The following LRP1B variants were observed in gnomAD, a reference collection of about 807,000 sequenced individuals.
The protein encoded by LRP1B is LDL receptor related protein 1B.
In LRP1B, 217 loss-of-function variants were observed where a neutral mutation model predicts 556.6. That is an observed-to-expected ratio of 0.39 (90% CI 0.35 to 0.44). LRP1B has a LOEUF of 0.44. Among genes scored for constraint, LRP1B ranks in the 20% least tolerant of loss-of-function variants. The pLI is 1.00. For missense variants in LRP1B, 5,053 were observed against 5,620.8 expected, an observed-to-expected ratio of 0.90 and a Z score of 3.23; for synonymous variants, 2,047 against 1,865.8, an observed-to-expected ratio of 1.10 and a Z score of -2.50.
intron 2 of LRP1B, among the ~76,000 whole-genome samples, chr2:141,648,731 GT>G (rs1689675547): frequency 6.6e-6 from 1 of 152,200 alleles, no homozygotes; most frequent in South Asian, 2.1e-4. Context: ...ACAGGTAGGT[GT>G]GAAAGACAGA....
intron 3 of LRP1B, among the ~76,000 whole-genome samples, chr2:141,275,431 G>A (rs972891110): frequency 6.6e-6 from 1 of 152,152 alleles, no homozygotes; most frequent in Non-Finnish European, 1.5e-5. Flanking sequence ...AGTAATGGTC[G>A]GGTGTGGTGG....
intron 1 of LRP1B, among the ~76,000 whole-genome samples, chr2:142,030,036 G>GAAAAAA (rs11362272): frequency 6.8e-6 from 1 of 146,728 alleles, no homozygotes; most frequent in African/African-American, 2.5e-5. Flanking sequence ...TCCTTTTTAG[G>GAAAAAA]AAAAAAAAAA....
chr2:140,697,354 T>C (rs1686467784), intron 41 of LRP1B, among the ~76,000 whole-genome samples: 1 of 152,052 alleles, frequency 6.6e-6, no homozygotes, highest in Non-Finnish European at 1.5e-5. Flanking sequence ...GACCTAAACA[T>C]AACACTGAGT....
chr2:140,840,996 C>T lies in LRP1B; in HGVS notation c.5036G>A (p.Arg1679Lys). 6.2e-7 allele frequency: 1 copy of T among 1,613,544 alleles called. No homozygotes were observed. Among genetic ancestry groups the T allele is most frequent in the Non-Finnish European group, 8.5e-7 (1 of 1,179,712 alleles). ...TGAGGTTTTCAAAGAGCCATCTAGC[C>T]TTGCCACATTAATTTGCGTTTCATC... Reference protein sequence around the residue: ...EFDETQINVARLDGSLKTSII... With the variant: ...EFDETQINVAKLDGSLKTSII... Residue 1679 changes from arginine to lysine, a missense_variant, in exon 30 of 91, where the codon AGG becomes AAG. Transcript: ENST00000389484.
intron 20 of LRP1B, among the ~76,000 whole-genome samples, chr2:140,927,468 G>T (rs1258393409): frequency 6.6e-6 from 1 of 151,944 alleles, no homozygotes; most frequent in Non-Finnish European, 1.5e-5. Context: ...TTAACTTCTT[G>T]TATGGTTTTT....
intron 1 of LRP1B, among the ~76,000 whole-genome samples, chr2:142,034,352 C>G (rs1370361918): frequency 1.3e-5 from 2 of 151,728 alleles, no homozygotes; most frequent in African/African-American, 4.8e-5. Context: ...TACCTCTACA[C>G]ATATTCACAT....
At position 140,928,911 on chromosome 2, in the gene LRP1B, G is replaced by C. The variant is rs1027558738; in HGVS notation, c.3137-5764C>G. 1.1e-4 allele frequency among the ~76,000 whole-genome samples: 17 copies of C among 152,080 alleles called. 1 individual carries two copies. The highest frequency in any genetic ancestry group is 5.9e-4 in the Admixed American group (9 of 15,228). The stretch of plus-strand genomic sequence containing the variant: ...AAAGAAAAATATATATAATGGTAGT[G>C]AGTGAGTAAAAGGAGACCTGAGAGG... On this transcript the variant is annotated intron_variant, in intron 20 of 90. Coordinates refer to ENST00000389484, the MANE Select transcript of LRP1B (RefSeq NM_018557.3).
chr2:141,106,297 C>T (rs1340755611), intron 7 of LRP1B, among the ~76,000 whole-genome samples: 2 of 152,082 alleles, frequency 1.3e-5, no homozygotes, highest in South Asian at 2.1e-4. Context: ...ATTTCACTTT[C>T]GTTTTTTGGC....
At chr2:141,198,869 C>T (rs1675508625) in intron 6 of LRP1B, among the ~76,000 whole-genome samples, 1 of 152,162 alleles carries the variant, frequency 6.6e-6, no homozygotes, top group South Asian at 2.1e-4. Context: ...CCCCAATTCA[C>T]CACATATTCA....
At chr2:141,674,117 A>G (rs535788881) in intron 2 of LRP1B, among the ~76,000 whole-genome samples, 2 of 152,146 alleles carry the variant, frequency 1.3e-5, no homozygotes, top group East Asian at 3.9e-4. Context: ...ACAATTACCT[A>G]ATCATATTCC....
At chr2:142,100,653 A>G (rs1440830907) in intron 1 of LRP1B, among the ~76,000 whole-genome samples, 1 of 152,024 alleles carries the variant, frequency 6.6e-6, no homozygotes, top group African/African-American at 2.4e-5. Flanking sequence ...ACAAGTGAAG[A>G]TAATTGTAAG....
chr2:141,870,728 G>A (rs1298357689), intron 1 of LRP1B, among the ~76,000 whole-genome samples: 2 of 151,838 alleles, frequency 1.3e-5, no homozygotes, highest in African/African-American at 4.8e-5. Flanking sequence ...GATGGGATAT[G>A]TCACTCTTAG....
At chr2:140,851,562 T>C in intron 28 of LRP1B, 90 bp downstream of exon 28, 1 of 1,452,004 alleles carries the variant, frequency 6.9e-7, no homozygotes, top group Non-Finnish European at 9.3e-7. Context: ...AAACTTCCTC[T>C]GCTTTAATAT....
chr2:141,228,867 A>G (rs913444971), intron 6 of LRP1B, among the ~76,000 whole-genome samples: 10 of 152,052 alleles, frequency 6.6e-5, no homozygotes, highest in African/African-American at 1.9e-4. Flanking sequence ...TTTAAATCCC[A>G]CCTTCACTAT....
At chr2:141,127,605 A>T (rs1574102401) in intron 7 of LRP1B, among the ~76,000 whole-genome samples, 1 of 152,210 alleles carries the variant, frequency 6.6e-6, no homozygotes, top group Admixed American at 6.6e-5. Flanking sequence ...GGATTAATTC[A>T]TTTTCAGCTG....
intron 5 of LRP1B, among the ~76,000 whole-genome samples, chr2:141,239,250 C>G (rs993570313): frequency 6.6e-6 from 1 of 151,962 alleles, no homozygotes; most frequent in African/African-American, 2.4e-5. Context: ...TGCTTAAGAC[C>G]GATAGTCAAC....
intron 3 of LRP1B, among the ~76,000 whole-genome samples, chr2:141,261,686 G>C (rs535828396): frequency 6.6e-6 from 1 of 152,006 alleles, no homozygotes; most frequent in East Asian, 1.9e-4. Flanking sequence ...GTTAGTATTA[G>C]GTAGTTCATC....
At chr2:141,421,677 A>C (rs1189770990) in intron 3 of LRP1B, among the ~76,000 whole-genome samples, 1 of 152,210 alleles carries the variant, frequency 6.6e-6, no homozygotes, top group Non-Finnish European at 1.5e-5. Flanking sequence ...GAATCTTTCA[A>C]ACTTTATCTC....
rs544700952 is a variant in LRP1B, at chr2:140,462,515, C to T, written c.9626-4864G>A. Reference sequence around the variant, plus strand: ...GTGGTCTTTAATAGACAGGCTCAGCCACTGCTAAATCATTATAGTTGAGCG... The same window carrying T: ...GTGGTCTTTAATAGACAGGCTCAGCTACTGCTAAATCATTATAGTTGAGCG... On this transcript the variant is annotated intron_variant, in intron 60 of 90. Transcript: ENST00000389484. 3.3e-5 allele frequency among the ~76,000 whole-genome samples: 5 copies of T among 152,272 alleles called. No homozygotes were observed. In the South Asian group the frequency reaches 1.0e-3, roughly 32 times the overall value.
Sources: allele counts gnomAD v4.1 joint callset (sites outside exome capture counted in the v4.1 genomes callset), GRCh38; gene constraint gnomAD v4.1.1; transcripts MANE v1.5; gene names NCBI Gene and HGNC (gene_info 2026-07-23, HGNC 2026-07-21).